The following QTGAL variants were observed in gnomAD, a reference collection of about 807,000 sequenced individuals.
QTGAL encodes the protein BGnT-like protein 1.
chr17:83,047,112 T>C, the QTGAL span, among the ~76,000 whole-genome samples: 2 of 152,210 alleles, frequency 1.3e-5, no homozygotes, highest in African/African-American at 4.8e-5. Context: ...AGAAGGGGCT[T>C]CTCACAGTTC....
the QTGAL span, among the ~76,000 whole-genome samples, chr17:83,026,074 A>G: frequency 1.4e-4 from 21 of 152,290 alleles, no homozygotes; most frequent in East Asian, 4.1e-3. Flanking sequence ...AGAAAAGAAA[A>G]CCCACATGGC....
chr17:82,991,994 TG>T, the QTGAL span, among the ~76,000 whole-genome samples: 1 of 152,030 alleles, frequency 6.6e-6, no homozygotes, highest in Non-Finnish European at 1.5e-5. Context: ...AAAGGCTATT[TG>T]AAAATACATA....
At chr17:82,997,140 T>C in the QTGAL span, among the ~76,000 whole-genome samples, 1,845 of 152,156 alleles carry the variant, frequency 0.012, 43 homozygotes, top group African/African-American at 0.042. Context: ...TATTTGTAAA[T>C]TACCCATCTG....
the QTGAL span, among the ~76,000 whole-genome samples, chr17:82,986,266 C>T: frequency 4.5e-4 from 68 of 152,358 alleles, no homozygotes; most frequent in African/African-American, 1.5e-3. Flanking sequence ...CCCGTGGCCA[C>T]AGAGCAGCCT....
At chr17:83,014,392 TA>T in the QTGAL span, 1 of 1,564,330 alleles carries the variant, frequency 6.4e-7, no homozygotes, top group Admixed American at 1.7e-5. Context: ...ACTCTTTATT[TA>T]AAAAACCACA....
At chr17:82,943,597 C>A in the QTGAL span, 2 of 152,310 alleles carry the variant, frequency 1.3e-5, no homozygotes, top group Non-Finnish European at 2.9e-5. Flanking sequence ...GCCACCGCAT[C>A]TGTGAGGCTT....
the QTGAL span, among the ~76,000 whole-genome samples, chr17:83,021,924 G>C: frequency 2.0e-5 from 3 of 152,136 alleles, no homozygotes; most frequent in African/African-American, 7.2e-5. Context: ...TGGATCCACT[G>C]ATTTTCAACA....
At chr17:83,010,381 C>T in the QTGAL span, among the ~76,000 whole-genome samples, 1 of 152,236 alleles carries the variant, frequency 6.6e-6, no homozygotes, top group Non-Finnish European at 1.5e-5. Flanking sequence ...CACTCCCTGC[C>T]CCCGGAGCGA....
the QTGAL span, chr17:82,961,178 C>T: frequency 1.4e-4 from 232 of 1,606,388 alleles, 4 homozygotes; most frequent in South Asian, 2.3e-3. Context: ...TCCTCCGGGA[C>T]GCCCTGCAGG....
At chr17:82,957,530 GC>G in the QTGAL span, 1 of 1,572,732 alleles carries the variant, frequency 6.4e-7, no homozygotes, top group Non-Finnish European at 8.6e-7. Context: ...CAGGCCGGAG[GC>G]CCCACAGATG....
the QTGAL span, chr17:82,942,441 T>C: frequency 1.9e-6 from 3 of 1,613,898 alleles, no homozygotes; most frequent in Non-Finnish European, 2.5e-6. Flanking sequence ...GTCTTGTCTC[T>C]TCTTCAGCCT....
At chr17:82,991,820 C>A in the QTGAL span, among the ~76,000 whole-genome samples, 1 of 152,180 alleles carries the variant, frequency 6.6e-6, no homozygotes, top group East Asian at 1.9e-4. Context: ...CAAGATAACA[C>A]AGAAGGTATT....
chr17:83,035,097 C>G, the QTGAL span: 2 of 1,610,882 alleles, frequency 1.2e-6, no homozygotes, highest in Non-Finnish European at 1.7e-6. Flanking sequence ...TTAGCGTATC[C>G]GACTGTGGAA....
chr17:82,981,799 C>T, the QTGAL span: 1 of 152,236 alleles, frequency 6.6e-6, no homozygotes, highest in East Asian at 1.9e-4. Flanking sequence ...GACCGGATGC[C>T]TTACCAATAA....
the QTGAL span, among the ~76,000 whole-genome samples, chr17:83,015,877 G>A: frequency 6.6e-6 from 1 of 152,172 alleles, no homozygotes; most frequent in Non-Finnish European, 1.5e-5. This position sits in a 1 kb window ranked among gnomAD's most constrained non-coding sequence, Gnocchi z 4.4. Context: ...CCCCACCATC[G>A]GTCTGTGAAA....
At chr17:83,046,470 G>A in the QTGAL span, among the ~76,000 whole-genome samples, 2 of 152,324 alleles carry the variant, frequency 1.3e-5, no homozygotes, top group Admixed American at 6.5e-5. Context: ...ACAAGCACAC[G>A]AAAAGAGGCA....
chr17:82,982,026 C>G, the QTGAL span, among the ~76,000 whole-genome samples: 1 of 151,332 alleles, frequency 6.6e-6, no homozygotes, highest in Non-Finnish European at 1.5e-5. Flanking sequence ...GTGGAGGAGC[C>G]TCCATCTTTC....
At chr17:82,979,745 A>G in the QTGAL span, among the ~76,000 whole-genome samples, 2 of 152,356 alleles carry the variant, frequency 1.3e-5, no homozygotes, top group East Asian at 3.9e-4. Context: ...CTTTGTAAAT[A>G]TAGGCAAGCT....
chr17:82,958,668 G>C, the QTGAL span, among the ~76,000 whole-genome samples: 412 of 152,306 alleles, frequency 2.7e-3, 2 homozygotes, highest in African/African-American at 9.6e-3. Context: ...CTTAGGCACT[G>C]TCAGGGAGGT....
Sources: allele counts gnomAD v4.1 joint callset (sites outside exome capture counted in the v4.1 genomes callset), GRCh38; gene constraint gnomAD v4.1.1; non-coding constraint Gnocchi (gnomAD v3.1); transcripts MANE v1.5; gene names NCBI Gene and HGNC (gene_info 2026-07-23, HGNC 2026-07-21).